The following PLXNA4 variants were observed in gnomAD, a reference collection of about 807,000 sequenced individuals.
The protein encoded by PLXNA4 is plexin A4.
A neutral mutation model predicts 191.8 loss-of-function variants in PLXNA4; 44 were observed. The ratio of observed to expected loss-of-function variants is 0.23; its 90% CI spans 0.18 to 0.29. The LOEUF (loss-of-function observed/expected upper bound fraction) is 0.29, where lower values mean the gene tolerates loss of function less well. Among genes scored for constraint, PLXNA4 ranks in the 10% least tolerant of loss-of-function variants. The pLI, the probability that PLXNA4 is intolerant of heterozygous loss-of-function variation, is 1.00. For synonymous variants in PLXNA4, 1,082 were observed against 1,009.5 expected, an observed-to-expected ratio of 1.07 and a Z score of -1.36; for missense variants, 1,800 against 2,488.8, an observed-to-expected ratio of 0.72 and a Z score of 5.89.
intron 14 of PLXNA4, among the ~76,000 whole-genome samples, chr7:132,187,973 G>A (rs1796935536): frequency 6.6e-6 from 1 of 151,682 alleles, no homozygotes; most frequent in African/African-American, 2.4e-5. Context: ...TTACAGAAGA[G>A]ATTCAGAGAT....
intron 1 of PLXNA4, among the ~76,000 whole-genome samples, chr7:132,553,330 G>A (rs531384741): frequency 1.3e-5 from 2 of 152,276 alleles, no homozygotes; most frequent in South Asian, 2.1e-4. Flanking sequence ...ACATTACTGC[G>A]AATGGTATTT....
chr7:132,328,912 A>G (rs911812948), intron 3 of PLXNA4, among the ~76,000 whole-genome samples: 19 of 152,180 alleles, frequency 1.2e-4, no homozygotes, highest in Non-Finnish European at 2.5e-4. Flanking sequence ...GCCACCAAGG[A>G]TGTCCCATCT....
At chr7:132,245,672 G>A (rs1799024759) in intron 4 of PLXNA4, among the ~76,000 whole-genome samples, 1 of 152,134 alleles carries the variant, frequency 6.6e-6, no homozygotes, top group African/African-American at 2.4e-5. Context: ...GCCAAAAGAT[G>A]GAAGCAACCC....
At chr7:132,389,952 C>A (rs150824910) in intron 3 of PLXNA4, among the ~76,000 whole-genome samples, 1,808 of 152,270 alleles carry the variant, frequency 0.012, 41 homozygotes, top group African/African-American at 0.041. Context: ...AATAGGAATG[C>A]TTTTACACTG....
chr7:132,344,297 C>T lies in PLXNA4; in HGVS notation c.1372-46075G>A, dbSNP rs114024245. On this transcript the variant is annotated intron_variant, in intron 3 of 31. Coordinates refer to ENST00000321063, the MANE Select transcript of PLXNA4 (RefSeq NM_020911.2). ...GCCACTGTGTGCAACCTCAATGTGC[C>T]CCACAGATATTATCATTTTCTACAT... 4.9e-3 allele frequency among the ~76,000 whole-genome samples: 740 copies of T among 152,188 alleles called. 7 individuals are homozygous for T. Among genetic ancestry groups the T allele is most frequent in the African/African-American group, 0.017 (705 of 41,504 alleles).
intron 3 of PLXNA4, among the ~76,000 whole-genome samples, chr7:132,404,552 G>C (rs192659073): frequency 2.4e-4 from 37 of 152,306 alleles, no homozygotes; most frequent in Non-Finnish European, 3.7e-4. Context: ...CTGTTACATG[G>C]ACCTGGCAGT....
chr7:132,181,337 G>T (rs760830681), intron 18 of PLXNA4, 44 bp downstream of exon 18: 4 of 1,610,524 alleles, frequency 2.5e-6, no homozygotes, highest in African/African-American at 1.3e-5. Flanking sequence ...CCATGCAGCA[G>T]CCCCTTCTTT....
intron 2 of PLXNA4, among the ~76,000 whole-genome samples, chr7:132,626,788 G>A (rs80063286): frequency 0.012 from 1,845 of 152,264 alleles, 50 homozygotes; most frequent in African/African-American, 0.042. Context: ...TGCTTCAGCT[G>A]CAGAGAACTG....
At chr7:132,511,597 G>C (rs1798716659) in intron 1 of PLXNA4, among the ~76,000 whole-genome samples, 1 of 152,212 alleles carries the variant, frequency 6.6e-6, no homozygotes, top group African/African-American at 2.4e-5. Flanking sequence ...ATTAATGACT[G>C]TAAAGCAGCA....
At chr7:132,438,029 G>A (rs1795542735) in intron 3 of PLXNA4, among the ~76,000 whole-genome samples, 1 of 152,220 alleles carries the variant, frequency 6.6e-6, no homozygotes, top group Admixed American at 6.5e-5. Context: ...GTGTGGTTGT[G>A]TACGGTTGTG....
chr7:132,554,769 C>A (rs1461026310), intron 1 of PLXNA4, among the ~76,000 whole-genome samples: 1 of 152,122 alleles, frequency 6.6e-6, no homozygotes, highest in African/African-American at 2.4e-5. Flanking sequence ...GGGCAGTGTT[C>A]ATAAATATCA....
chr7:132,535,262 TACAG>T (rs1363742660), intron 1 of PLXNA4, among the ~76,000 whole-genome samples: 1 of 152,210 alleles, frequency 6.6e-6, no homozygotes, highest in African/African-American at 2.4e-5. Flanking sequence ...CTGATTTACT[TACAG>T]ACAATGCCCA....
chr7:132,271,080 C>T (rs1471570451), intron 4 of PLXNA4: 1 of 152,062 alleles, frequency 6.6e-6, no homozygotes, highest in Non-Finnish European at 1.5e-5. Context: ...ACTGAAGTCA[C>T]TGTGTGACCA....
chr7:132,202,188 C>T (rs2116861030), intron 12 of PLXNA4, among the ~76,000 whole-genome samples: 1 of 152,282 alleles, frequency 6.6e-6, no homozygotes, highest in East Asian at 1.9e-4. Context: ...CAGCTCAGGG[C>T]TTGCTTTGGG....
At position 132,236,828 on chromosome 7, in the gene PLXNA4, G is replaced by A. The variant is rs369295411; in HGVS notation, c.1604+4238C>T. 1.2e-4 allele frequency among the ~76,000 whole-genome samples: 18 copies of A among 152,212 alleles called. No homozygotes were observed. The East Asian group carries it at 1.3e-3, about 11-fold the overall frequency. The stretch of plus-strand genomic sequence containing the variant: ...CATCCATAGGCTCTCTCTGGCTGCC[G>A]TCAACCTCCTGTACTGAACTGCCAG... On this transcript the variant is annotated intron_variant, in intron 5 of 31. Coordinates refer to ENST00000321063, the MANE Select transcript of PLXNA4 (RefSeq NM_020911.2).
chr7:132,470,008 G>A (rs1585181939), intron 3 of PLXNA4, among the ~76,000 whole-genome samples: 1 of 152,180 alleles, frequency 6.6e-6, no homozygotes, highest in Non-Finnish European at 1.5e-5. Flanking sequence ...TTCTCATTGG[G>A]TTCTAATAGC....
chr7:132,192,008 A>G (rs1797106761), intron 14 of PLXNA4, among the ~76,000 whole-genome samples: 1 of 152,172 alleles, frequency 6.6e-6, no homozygotes, highest in South Asian at 2.1e-4. Flanking sequence ...CATGAACCCC[A>G]TTATATGTGC....
chr7:132,237,441 C>A lies in PLXNA4; in HGVS notation c.1604+3625G>T, dbSNP rs141590602. On this transcript the variant is annotated intron_variant, in intron 5 of 31. Coordinates refer to ENST00000321063, the MANE Select transcript of PLXNA4 (RefSeq NM_020911.2). Reference sequence around the variant, plus strand: ...GGGGAAGACAAGATTTTACCCCCACCTTCTTATAGTTGCCAGGGGGCTCTC... The same window carrying A: ...GGGGAAGACAAGATTTTACCCCCACATTCTTATAGTTGCCAGGGGGCTCTC... 6.6e-3 allele frequency among the ~76,000 whole-genome samples: 1,004 copies of A among 152,246 alleles called. 9 individuals carry two copies. The highest frequency in any genetic ancestry group is 0.011 in the Non-Finnish European group (747 of 68,010).
At chr7:132,214,425 G>A (rs973728447) in intron 9 of PLXNA4, among the ~76,000 whole-genome samples, 2 of 152,092 alleles carry the variant, frequency 1.3e-5, no homozygotes, top group Non-Finnish European at 2.9e-5. Flanking sequence ...GCCCAGGGCT[G>A]GGCTGGGCAC....
Sources: allele counts gnomAD v4.1 joint callset (sites outside exome capture counted in the v4.1 genomes callset), GRCh38; gene constraint gnomAD v4.1.1; transcripts MANE v1.5; gene names NCBI Gene and HGNC (gene_info 2026-07-23, HGNC 2026-07-21).